LOXHD1: variants seen among roughly 807,000 people sequenced by gnomAD.
LOXHD1 encodes the protein lipoxygenase homology domain-containing protein 1.
A neutral mutation model predicts 248.2 loss-of-function variants in LOXHD1; 205 were observed. The ratio of observed to expected loss-of-function variants is 0.83; its 90% confidence interval spans 0.74 to 0.93. LOXHD1 has a LOEUF of 0.93. LOXHD1 is among the 40% of genes least tolerant of loss of function. The pLI, the probability that LOXHD1 is intolerant of heterozygous loss-of-function variation, is 0.00. For missense variants in LOXHD1, 2,930 were observed against 2,971.6 expected (o/e 0.99, Z 0.33); for synonymous variants, 1,113 against 1,162.8 (o/e 0.96, Z 0.87).
intron 28 of LOXHD1, among the ~76,000 whole-genome samples, chr18:46,530,673 A>G (rs1458275067): frequency 6.6e-6 from 1 of 152,094 alleles, no homozygotes; most frequent in South Asian, 2.1e-4. Context: ...AAATTTAGAA[A>G]AGTAAAGTGA....
intron 12 of LOXHD1, among the ~76,000 whole-genome samples, chr18:46,581,740 C>A (rs1386267441): frequency 6.6e-6 from 1 of 152,150 alleles, no homozygotes; most frequent in African/African-American, 2.4e-5. Context: ...GAGATCTACA[C>A]CTAGACATAT....
chr18:46,527,464 T>C (rs2035876876), intron 29 of LOXHD1, among the ~76,000 whole-genome samples: 1 of 152,186 alleles, frequency 6.6e-6, no homozygotes, highest in South Asian at 2.1e-4. Flanking sequence ...CAGTTGACCT[T>C]CACAGTAACT....
chr18:46,540,302 A>G (rs1264576795), intron 25 of LOXHD1, among the ~76,000 whole-genome samples: 1 of 152,230 alleles, frequency 6.6e-6, no homozygotes. Flanking sequence ...CACAGGCAAC[A>G]GAAAGAGACA....
At chr18:46,591,816 C>G in intron 12 of LOXHD1, 117 bp downstream of exon 12, 1 of 1,326,234 alleles carries the variant, frequency 7.5e-7, no homozygotes, top group Non-Finnish European at 1.0e-6. Flanking sequence ...CACTCTGGCA[C>G]TCTAAGGGGC....
intron 1 of LOXHD1, among the ~76,000 whole-genome samples, chr18:46,656,339 G>A (rs1387549397): frequency 6.6e-6 from 1 of 152,234 alleles, no homozygotes; most frequent in Non-Finnish European, 1.5e-5. Flanking sequence ...AGGAGTTAGA[G>A]CAATTTCAAG....
chr18:46,547,272 A>G (rs2036890723), intron 21 of LOXHD1, among the ~76,000 whole-genome samples: 1 of 152,168 alleles, frequency 6.6e-6, no homozygotes, highest in South Asian at 2.1e-4. Context: ...TTGGCTCTAG[A>G]CACTCCATTG....
intron 6 of LOXHD1, among the ~76,000 whole-genome samples, chr18:46,610,061 G>T (rs1041233714): frequency 2.0e-5 from 3 of 152,174 alleles, no homozygotes; most frequent in African/African-American, 7.2e-5. Flanking sequence ...TCACAAGAAA[G>T]CGTACGCTTG....
Position 46,529,111 on chromosome 18 carries a change from G to C in LOXHD1, c.4530+66C>G, listed in dbSNP as rs563011041. ...TGGATGTCCCCAGGAACCAAGAAGA[G>C]CTGGCACCTAGATCGCTGGGCCTGG... On this transcript the variant is annotated intron_variant, in intron 29 of 40. Coordinates refer to ENST00000642948, the MANE Select transcript of LOXHD1 (RefSeq NM_001384474.1). The C allele has an allele frequency of 3.9e-6, 6 of 1,536,288 alleles. No individual in the cohort carries two copies. In the African/African-American group the frequency reaches 8.2e-5, roughly 21 times the overall value.
At position 46,505,825 on chromosome 18, in the gene LOXHD1, G is replaced by C. The variant is rs1279350540; in HGVS notation, c.5878+13C>G. 1.3e-6 allele frequency: 2 copies of C among 1,551,570 alleles called. No individual in the cohort carries two copies. The highest frequency in any genetic ancestry group is 2.0e-5 in the Admixed American group (1 of 50,994). ...GCTGCCCTCCCACCAACCTGGCCTT[G>C]AGTGGGAGCTACCTTTGTTGTCGTG... On this transcript the variant is annotated intron_variant, in intron 37 of 40. Coordinates refer to ENST00000642948, the MANE Select transcript of LOXHD1 (RefSeq NM_001384474.1).
intron 34 of LOXHD1, among the ~76,000 whole-genome samples, chr18:46,511,207 C>G (rs2034939713): frequency 6.6e-6 from 1 of 152,194 alleles, no homozygotes; most frequent in Non-Finnish European, 1.5e-5. Flanking sequence ...CCTGGATGGA[C>G]TTCCTCTCTT....
At position 46,560,291 on chromosome 18, in the gene LOXHD1, C is replaced by G. The variant is rs776642377; in HGVS notation, c.2853G>C (p.Glu951Asp). 2.6e-6 allele frequency: 4 copies of G among 1,551,916 alleles called. No individual in the cohort carries two copies. Among genetic ancestry groups the G allele is most frequent in the Non-Finnish European group, 3.5e-6 (4 of 1,146,970 alleles). Residue 951 changes from glutamate to aspartate, a missense_variant, in exon 19 of 41, where the codon GAG becomes GAC. By Grantham distance (45) the Glu-to-Asp change is conservative. Transcript: ENST00000642948. ...ATGAGGACGACTCCTCTTCCTCCCC[C>G]TCGTCCTCTTCGTCGCTGCCCTTCC... ...KKRKGSDEEDEGEEEESSSSE... is the reference protein window; with the variant it reads ...KKRKGSDEEDDGEEEESSSSE...
At chr18:46,538,397 G>A in intron 25 of LOXHD1, 60 bp from the exon 26 acceptor site, 2 of 1,480,690 alleles carry the variant, frequency 1.4e-6, no homozygotes, top group South Asian at 1.2e-5. Context: ...AACAAACATG[G>A]TGAGAGCCAG....
chr18:46,598,552 A>G (rs2038292102), intron 8 of LOXHD1, among the ~76,000 whole-genome samples: 1 of 151,798 alleles, frequency 6.6e-6, no homozygotes, highest in East Asian at 1.9e-4. Flanking sequence ...CTTCCTACAG[A>G]AAAAAAACAA....
chr18:46,625,816 C>T (rs1329741659), intron 4 of LOXHD1, among the ~76,000 whole-genome samples: 1 of 152,178 alleles, frequency 6.6e-6, no homozygotes, highest in Non-Finnish European at 1.5e-5. Flanking sequence ...ACCCTGCAGT[C>T]ACTCGTCCTC....
chr18:46,526,275 G>T (rs1424701655), intron 29 of LOXHD1, among the ~76,000 whole-genome samples: 4 of 152,212 alleles, frequency 2.6e-5, no homozygotes, highest in African/African-American at 9.7e-5. Flanking sequence ...TGCTTGGGGA[G>T]TGGCTAAATA....
intron 12 of LOXHD1, among the ~76,000 whole-genome samples, chr18:46,582,296 C>T (rs908736217): frequency 1.3e-5 from 2 of 151,364 alleles, no homozygotes; most frequent in Non-Finnish European, 2.9e-5. Flanking sequence ...GAGAACAAAC[C>T]TATATTGGAA....
intron 25 of LOXHD1, among the ~76,000 whole-genome samples, chr18:46,538,590 A>G (rs2036422616): frequency 6.6e-6 from 1 of 152,146 alleles, no homozygotes; most frequent in African/African-American, 2.4e-5. Context: ...CTCACATGCC[A>G]GAGCACATGT....
chr18:46,606,653 CA>C (rs1950481867), intron 6 of LOXHD1, among the ~76,000 whole-genome samples: 1 of 151,942 alleles, frequency 6.6e-6, no homozygotes, highest in Non-Finnish European at 1.5e-5. Flanking sequence ...ATTCCAAATT[CA>C]AAAAAACCTG....
chr18:46,594,199 T>C (rs2038221829), intron 9 of LOXHD1, 132 bp downstream of exon 9: 1 of 1,239,556 alleles, frequency 8.1e-7, no homozygotes, highest in East Asian at 2.6e-5. Flanking sequence ...GGGGAGCTTT[T>C]TCCTTCCTTT....
Sources: allele counts gnomAD v4.1 joint callset (sites outside exome capture counted in the v4.1 genomes callset), GRCh38; gene constraint gnomAD v4.1.1; transcripts MANE v1.5; gene names NCBI Gene and HGNC (gene_info 2026-07-23, HGNC 2026-07-21).